Variants in CHN2 observed in about 807,000 individuals in gnomAD.
The protein encoded by CHN2 is chimerin 2.
A neutral mutation model predicts 56.3 loss-of-function variants in CHN2; 35 were observed. That is an observed-to-expected ratio of 0.62 (90% confidence interval 0.47 to 0.82). The LOEUF (loss-of-function observed/expected upper bound fraction) is 0.82, where lower values mean the gene tolerates loss of function less well. CHN2 is among the 40% of genes least tolerant of loss of function. CHN2 has a pLI of 0.00. For synonymous variants in CHN2, 210 were observed against 212.8 expected (o/e 0.99, Z 0.12); for missense variants, 491 against 580.5 (o/e 0.85, Z 1.58).
chr7:29,465,361 T>G (rs1785475216), intron 6 of CHN2, among the ~76,000 whole-genome samples: 1 of 152,264 alleles, frequency 6.6e-6, no homozygotes, highest in South Asian at 2.1e-4. Flanking sequence ...AAACATCATC[T>G]GCATAATCAT....
Position 29,393,683 on chromosome 7 carries a change from A to G in CHN2, c.149A>G (p.Glu50Gly). The G allele has an allele frequency of 1.1e-6, 1 of 881,352 alleles. No individual in the cohort carries two copies. Among genetic ancestry groups the G allele is most frequent in the South Asian group, 1.4e-5 (1 of 69,510 alleles). 54.6% of individuals were successfully genotyped at this position (881,352 alleles called of 1,614,324 possible). The change falls in exon 4 of 13, where the codon GAA becomes GGA. Residue 50 changes from glutamate (E) to glycine (G), a missense_variant. Transcript: ENST00000222792. ...PKRIICPREV[E>G]NRPKYYGREF... ...TTTTTTTTCTTTTTAATATAGGTGG[A>G]AAACAGACCAAAATATTATGGAAGA...
chr7:29,284,145 A>C (rs1791958364), intron 1 of CHN2, among the ~76,000 whole-genome samples: 1 of 151,234 alleles, frequency 6.6e-6, no homozygotes, highest in African/African-American at 2.4e-5. Flanking sequence ...TCCCAGGCTG[A>C]AGTGCAGTGG....
intron 8 of CHN2, among the ~76,000 whole-genome samples, chr7:29,497,848 C>G (rs10951228): frequency 0.36 from 55,157 of 151,804 alleles, 10,248 homozygotes; most frequent in Middle Eastern, 0.41. Context: ...TATGTGGTAC[C>G]TAGGGCAGCA....
chr7:29,293,623 A>C (rs886880094), intron 1 of CHN2, among the ~76,000 whole-genome samples: 1 of 152,048 alleles, frequency 6.6e-6, no homozygotes, highest in African/African-American at 2.4e-5. Flanking sequence ...GCTGTGTTTC[A>C]GGGCCTCCGA....
chr7:29,210,904 G>GGAA (rs1350603666), intron 1 of CHN2, among the ~76,000 whole-genome samples: 160 of 152,284 alleles, frequency 1.1e-3, no homozygotes, highest in Non-Finnish European at 3.1e-4. Flanking sequence ...AACAAGGCCA[G>GGAA]TAGAGTGAGA....
In CHN2 at chr7:29,367,920, C is replaced by CT. The variant is rs746033250; in HGVS notation, c.89-6dup. ...TAATTATTTCTCTCTCTCTCTCTCT[C>CT]TTTTTTGGCAGTATATCAGTTACAG... On this transcript the variant is annotated splice_polypyrimidine_tract_variant and intron_variant, in intron 2 of 12. Coordinates refer to ENST00000222792, the MANE Select transcript of CHN2 (RefSeq NM_004067.4). 5.7e-6 allele frequency: 9 copies of CT among 1,590,532 alleles called. No individual in the cohort carries two copies. In the Admixed American group the frequency reaches 8.7e-5, roughly 15 times the overall value.
chr7:29,495,978 G>A lies in CHN2; in HGVS notation c.681G>A (p.Trp227Ter). 1.2e-6 allele frequency: 2 copies of A among 1,613,080 alleles called. No individual in the cohort carries two copies. The highest frequency in any genetic ancestry group is 1.1e-5 in the South Asian group (1 of 90,820). ...FKVHTFRGPH[W>*]CEYCANFMWG... ...TCCACACGTTCCGAGGCCCACACTG[G>A]TGTGAATATTGTGCCAATTTCATGT... The change falls in exon 8 of 13, where the codon TGG (tryptophan) becomes TGA (stop). Residue 227 changes from tryptophan (W) to a stop codon, truncating the protein, a stop_gained. Transcript: ENST00000222792. LOFTEE classifies it high-confidence loss of function.
At chr7:29,257,417 C>T (rs1391840717) in intron 1 of CHN2, among the ~76,000 whole-genome samples, 1 of 152,198 alleles carries the variant, frequency 6.6e-6, no homozygotes, top group African/African-American at 2.4e-5. Context: ...ATGCCAGTGT[C>T]AGCAACTCTG....
In CHN2 at chr7:29,393,708, A is replaced by G; in HGVS notation, c.174A>G (p.Arg58=). The part of the protein sequence containing the change: ...EVENRPKYYG[R]EFHGIISREQ... ...AAAACAGACCAAAATATTATGGAAGAGAGTATGTATTATACTATTCTTTGT... is the reference window on the plus strand; with the variant it reads ...AAAACAGACCAAAATATTATGGAAGGGAGTATGTATTATACTATTCTTTGT... Residue 58 remains arginine (R), a splice_region_variant and synonymous_variant, in exon 4 of 13, where the codon AGA becomes AGG. Transcript: ENST00000222792. 1 of 864,428 alleles carries G rather than the reference A, an allele frequency of 1.2e-6. No homozygotes were observed. Among genetic ancestry groups the G allele is most frequent in the South Asian group, 1.5e-5 (1 of 68,912 alleles). 53.5% of individuals were successfully genotyped at this position (864,428 alleles called of 1,614,324 possible). A position where few individuals can be genotyped will look rare whatever the true frequency, so the allele number is the denominator to read the frequency against.
At chr7:29,387,800 A>G (rs1166198366) in intron 3 of CHN2, among the ~76,000 whole-genome samples, 1 of 152,194 alleles carries the variant, frequency 6.6e-6, no homozygotes, top group East Asian at 1.9e-4. Flanking sequence ...AGCACTACCA[A>G]CTCAGGTCCA....
chr7:29,498,675 TGAGTA>T (rs1789573560), intron 8 of CHN2, among the ~76,000 whole-genome samples: 1 of 152,056 alleles, frequency 6.6e-6, no homozygotes, highest in South Asian at 2.1e-4. Flanking sequence ...GAAGATACTT[TGAGTA>T]GAGAGCACAT....
chr7:29,356,101 C>A (rs562261813), intron 2 of CHN2, among the ~76,000 whole-genome samples: 108 of 151,980 alleles, frequency 7.1e-4, no homozygotes, highest in Non-Finnish European at 1.3e-3. Context: ...CTGTTATTAT[C>A]TCATTTCACA....
At chr7:29,221,604 T>C (rs1233624408) in intron 1 of CHN2, among the ~76,000 whole-genome samples, 1 of 152,202 alleles carries the variant, frequency 6.6e-6, no homozygotes, top group East Asian at 1.9e-4. Context: ...CTGTTCTTCC[T>C]GATGCTCTCC....
At chr7:29,344,299 A>G (rs572746985) in intron 1 of CHN2, among the ~76,000 whole-genome samples, 49 of 152,230 alleles carry the variant, frequency 3.2e-4, no homozygotes, top group Middle Eastern at 3.4e-3. Flanking sequence ...CTCAACTGCA[A>G]TGATCCTTCT....
At chr7:29,468,663 T>G (rs11767309) in intron 6 of CHN2, among the ~76,000 whole-genome samples, 60,969 of 151,820 alleles carry the variant, frequency 0.4, 13,113 homozygotes, top group South Asian at 0.51. Flanking sequence ...CAAGTGCTCT[T>G]CTCCCATTCT....
chr7:29,392,478 T>C (rs1801441473), intron 3 of CHN2, among the ~76,000 whole-genome samples: 1 of 152,242 alleles, frequency 6.6e-6, no homozygotes, highest in Admixed American at 6.5e-5. Context: ...AAGTTATGGA[T>C]GTCCTGCTTG....
chr7:29,436,520 T>C (rs1450182261), intron 6 of CHN2, among the ~76,000 whole-genome samples: 1 of 152,160 alleles, frequency 6.6e-6, no homozygotes, highest in East Asian at 1.9e-4. Context: ...TCAGTCCCCG[T>C]TGTCCCCAGC....
intron 6 of CHN2, among the ~76,000 whole-genome samples, chr7:29,443,936 C>T (rs1332104703): frequency 4.6e-5 from 7 of 152,188 alleles, no homozygotes; most frequent in African/African-American, 1.4e-4. Context: ...GCAGGAAATA[C>T]TTGAGGAAGT....
chr7:29,386,286 T>G (rs1325460246), intron 3 of CHN2, among the ~76,000 whole-genome samples: 1 of 152,166 alleles, frequency 6.6e-6, no homozygotes, highest in Non-Finnish European at 1.5e-5. Context: ...TTATCTGTAT[T>G]TATTTTTTGT....
Sources: allele counts gnomAD v4.1 joint callset (sites outside exome capture counted in the v4.1 genomes callset), GRCh38; gene constraint gnomAD v4.1.1; transcripts MANE v1.5; gene names NCBI Gene and HGNC (gene_info 2026-07-23, HGNC 2026-07-21).